The following TOM1L2 variants were observed in gnomAD, a reference collection of about 807,000 sequenced individuals.
The protein encoded by TOM1L2 is TOM1-like protein 2.
Under a neutral mutation model 67.9 loss-of-function variants are expected in TOM1L2, and 31 were observed. That is an observed-to-expected ratio of 0.46 (90% confidence interval 0.34 to 0.62). The LOEUF is 0.62. Among genes scored for constraint, TOM1L2 ranks in the 20% least tolerant of loss-of-function variants. TOM1L2 has a pLI of 0.01. For missense variants in TOM1L2, 606 were observed against 663.5 expected, an observed-to-expected ratio of 0.91 and a Z score of 0.95; for synonymous variants, 256 against 254.0, an observed-to-expected ratio of 1.01 and a Z score of -0.07.
chr17:17,871,500 T>C (rs992312321), intron 7 of TOM1L2, among the ~76,000 whole-genome samples: 1 of 152,022 alleles, frequency 6.6e-6, no homozygotes, highest in Non-Finnish European at 1.5e-5. Flanking sequence ...TAAAACCCCA[T>C]CTCTACGAAA....
At chr17:17,877,794 G>A (rs1157062836) in intron 7 of TOM1L2, among the ~76,000 whole-genome samples, 2 of 151,882 alleles carry the variant, frequency 1.3e-5, no homozygotes, top group Non-Finnish European at 2.9e-5. Context: ...GAAGGAAAAC[G>A]TCATGGGAAG....
At chr17:17,867,817 T>C (rs2036941148) in intron 8 of TOM1L2, among the ~76,000 whole-genome samples, 1 of 152,212 alleles carries the variant, frequency 6.6e-6, no homozygotes, top group Non-Finnish European at 1.5e-5. Flanking sequence ...GTGTCCACTG[T>C]GGTTTTAAAA....
At chr17:17,956,970 G>A (rs909420013) in intron 1 of TOM1L2, among the ~76,000 whole-genome samples, 2 of 152,242 alleles carry the variant, frequency 1.3e-5, no homozygotes, top group African/African-American at 4.8e-5. Flanking sequence ...AGAAGGCATC[G>A]GGGCTGAGGA....
intron 4 of TOM1L2, among the ~76,000 whole-genome samples, chr17:17,886,407 G>A (rs754498566): frequency 1.3e-5 from 2 of 152,256 alleles, no homozygotes; most frequent in Non-Finnish European, 2.9e-5. Flanking sequence ...ACAGAGCACT[G>A]TCTGGAAGGC....
At chr17:17,854,438 T>A (rs905550344) in intron 12 of TOM1L2, among the ~76,000 whole-genome samples, 6 of 152,182 alleles carry the variant, frequency 3.9e-5, no homozygotes, top group Admixed American at 1.3e-4. Flanking sequence ...GACTAGGGGC[T>A]GGCCCAGCAG....
chr17:17,921,991 C>G (rs1338854954), intron 1 of TOM1L2, among the ~76,000 whole-genome samples: 1 of 152,136 alleles, frequency 6.6e-6, no homozygotes, highest in Non-Finnish European at 1.5e-5. Context: ...AGACACATCC[C>G]AGAGATGTGA....
intron 7 of TOM1L2, chr17:17,872,090 A>G (rs2037185077): frequency 1.0e-6 from 1 of 975,118 alleles, no homozygotes; most frequent in South Asian, 4.7e-5. Flanking sequence ...CACAGGCGCC[A>G]ATGGACACTC....
chr17:17,864,274 G>A (rs181852871), intron 10 of TOM1L2, among the ~76,000 whole-genome samples: 6 of 150,856 alleles, frequency 4.0e-5, no homozygotes, highest in African/African-American at 1.2e-4. Context: ...GTAGTAGAGC[G>A]ATGTCGGCTC....
rs1050315890 is a variant in TOM1L2 at position 17,845,908 on chromosome 17, A to T, written c.*1727T>A. The T allele has an allele frequency of 6.6e-6, 1 of 152,324 alleles. No homozygotes were observed. Among genetic ancestry groups the T allele is most frequent in the Non-Finnish European group, 1.5e-5 (1 of 68,148 alleles). The allele number at this position is 152,324 out of a possible 1,614,324, so 9.4% of individuals were successfully genotyped here. On this transcript the variant is annotated 3_prime_UTR_variant, in exon 15 of 15. Transcript: ENST00000379504. ...AATCAGGCTGGCCACTCCACGGAGG[A>T]GCTTCCTGGGTGAACCTGAGCAACT...
intron 8 of TOM1L2, 151 bp from the exon 9 acceptor site, chr17:17,867,075 C>A (rs932574256): frequency 1.2e-5 from 9 of 720,646 alleles, no homozygotes; most frequent in Non-Finnish European, 2.2e-5. Flanking sequence ...TCAACTCTGC[C>A]ACGGCTTCCT....
chr17:17,931,950 G>A (rs1055798726), intron 1 of TOM1L2, among the ~76,000 whole-genome samples: 3 of 152,116 alleles, frequency 2.0e-5, no homozygotes, highest in African/African-American at 7.2e-5. Flanking sequence ...TCTCATCAAG[G>A]GGAGCTGGTG....
rs1007490914 is a variant in TOM1L2, at chr17:17,952,386, T to C, written c.52+19876A>G. ...GTGCTTCTTTATTTTCTTTTTTTTT[T>C]TTTTTTTTTTTTTTTTTTTTTTTGA... On this transcript the variant is annotated intron_variant, in intron 1 of 14. Coordinates refer to ENST00000379504, the MANE Select transcript of TOM1L2 (RefSeq NM_001082968.2). 2.5e-4 allele frequency among the ~76,000 whole-genome samples: 31 copies of C among 123,276 alleles called. 1 individual carries two copies. The highest frequency in any genetic ancestry group is 4.6e-4 in the African/African-American group (15 of 32,624). 80.9% of individuals were successfully genotyped at this position (123,276 alleles called of 152,430 possible).
At chr17:17,965,858 C>T (rs1393591720) in intron 1 of TOM1L2, among the ~76,000 whole-genome samples, 4 of 152,192 alleles carry the variant, frequency 2.6e-5, no homozygotes, top group Admixed American at 2.6e-4. Context: ...TGGTGGCTCA[C>T]ACCTGTAATC....
At chr17:17,893,020 T>C (rs1471929138) in intron 4 of TOM1L2, among the ~76,000 whole-genome samples, 4 of 152,218 alleles carry the variant, frequency 2.6e-5, no homozygotes, top group Admixed American at 6.5e-5. Flanking sequence ...GCTCCTGAAT[T>C]CCTGGCCCAC....
At chr17:17,891,489 A>G (rs1489571464) in intron 4 of TOM1L2, among the ~76,000 whole-genome samples, 1 of 152,096 alleles carries the variant, frequency 6.6e-6, no homozygotes, top group Non-Finnish European at 1.5e-5. Context: ...GCCAGTGAAG[A>G]AGGCTGTGTC....
intron 3 of TOM1L2, among the ~76,000 whole-genome samples, chr17:17,894,975 A>ACATACATACATGCATGCATG (rs1555598776): frequency 6.1e-5 from 9 of 147,692 alleles, no homozygotes; most frequent in Non-Finnish European, 1.2e-4. Flanking sequence ...ATACATACAT[A>ACATACATACATGCATGCATG]CATGCATGCA....
rs566383758 is a variant in TOM1L2 at position 17,954,515 on chromosome 17, G to T, written c.52+17747C>A. Among the ~76,000 whole-genome samples, 8 of 152,278 alleles carry T rather than the reference G, an allele frequency of 5.3e-5. No individual in the cohort carries two copies. The East Asian group carries it at 1.5e-3, about 29-fold the overall frequency. On this transcript the variant is annotated intron_variant, in intron 1 of 14. Coordinates refer to ENST00000379504, the MANE Select transcript of TOM1L2 (RefSeq NM_001082968.2). Reference sequence around the variant, plus strand: ...TTTAGTAGAGACGGGGTTTCGCCATGTTGGCCAGGCTAGTCTCGAACTACT... The same window carrying T: ...TTTAGTAGAGACGGGGTTTCGCCATTTTGGCCAGGCTAGTCTCGAACTACT...
chr17:17,869,357 G>C lies in TOM1L2; in HGVS notation c.894C>G (p.Val298=). 6.2e-7 allele frequency: 1 copy of C among 1,610,842 alleles called. No individual in the cohort carries two copies. Among genetic ancestry groups the C allele is most frequent in the Non-Finnish European group, 8.5e-7 (1 of 1,179,312 alleles). ...LLHVNDDLNN[V]FLRYERFERY... is the part of the protein sequence containing the mutation. ...GCTCCCACCTCTCGTATCGAAGGAA[G>C]ACGTTGTTGAGGTCATCGTTCACAT... Residue 298 remains valine, a synonymous_variant, in exon 8 of 15, where the codon GTC becomes GTG. Coordinates refer to ENST00000379504, the MANE Select transcript of TOM1L2 (RefSeq NM_001082968.2).
intron 1 of TOM1L2, among the ~76,000 whole-genome samples, chr17:17,953,707 T>C (rs2041307718): frequency 6.6e-6 from 1 of 152,138 alleles, no homozygotes; most frequent in Non-Finnish European, 1.5e-5. Flanking sequence ...GGGGAGCACA[T>C]AGGGTGTGTA....
Sources: gnomAD v4.1 joint callset for allele counts (sites outside exome capture counted in the v4.1 genomes callset) on GRCh38, gnomAD v4.1.1 for gene constraint, MANE v1.5 for transcripts, NCBI Gene and HGNC (gene_info 2026-07-23, HGNC 2026-07-21) for gene names.